Variants in NEMP1 observed in about 807,000 individuals in gnomAD.
The protein encoded by NEMP1 is transmembrane protein 194.
NEMP1 carries 29 observed loss-of-function variants against 53.7 expected under a neutral mutation model. The ratio of observed to expected loss-of-function variants is 0.54; its 90% CI spans 0.40 to 0.74. The LOEUF (loss-of-function observed/expected upper bound fraction) is 0.74. Among genes scored for constraint, NEMP1 ranks in the 30% least tolerant of loss-of-function variants. The pLI is 0.00. For synonymous variants in NEMP1, 193 were observed against 192.9 expected, an observed-to-expected ratio of 1.00 and a Z score of 0.00; for missense variants, 477 against 528.6, an observed-to-expected ratio of 0.90 and a Z score of 0.96.
chr12:57,080,416 T>C (rs1294994816), upstream of NEMP1, among the ~76,000 whole-genome samples: 1 of 151,502 alleles, frequency 6.6e-6, no homozygotes, highest in Non-Finnish European at 1.5e-5. Flanking sequence ...CCGTCTCTAC[T>C]AAAAATACAA....
chr12:57,056,635 A>G lies in NEMP1; in HGVS notation c.*3244T>C, dbSNP rs2031537528. On this transcript the variant is annotated 3_prime_UTR_variant, in exon 9 of 9. Transcript: ENST00000300128. ...GAAAAGTTATGAGTACACAGCTAGG[A>G]ACCATTTTTACGTAGGCATCCATCT... 6.6e-6 allele frequency: 1 copy of G among 152,158 alleles called. No homozygotes were observed. The highest frequency in any genetic ancestry group is 2.1e-4 in the South Asian group (1 of 4,830). 9.4% of individuals were successfully genotyped at this position (152,158 alleles called of 1,614,324 possible). A position where few individuals can be genotyped will look rare whatever the true frequency, so the allele number is the denominator to read the frequency against.
rs1433098792 is a variant in NEMP1 at position 57,064,081 on chromosome 12, C to T, written c.744G>A (p.Gln248=). Residue 248 remains glutamine, a synonymous_variant, in exon 6 of 9, where the codon CAG becomes CAA. Coordinates refer to ENST00000300128, the MANE Select transcript of NEMP1 (RefSeq NM_001130963.2). The part of the protein sequence containing the change: ...NLQEIWRCYW[Q]YLLSYVLTVG... ...ACCGACAACACTTACTTAAAAGATA[C>T]TGCCAGTAACACCTCCAGATCTCTT... 2 of 1,592,956 alleles carry T rather than the reference C, an allele frequency of 1.3e-6. No individual in the cohort carries two copies. Among genetic ancestry groups the T allele is most frequent in the Non-Finnish European group, 1.7e-6 (2 of 1,166,064 alleles).
intron 2 of NEMP1, among the ~76,000 whole-genome samples, chr12:57,072,011 AAAGT>A (rs908640814): frequency 2.0e-5 from 3 of 152,252 alleles, no homozygotes; most frequent in African/African-American, 7.2e-5. Flanking sequence ...AAATGAGACC[AAAGT>A]AATTCTTCAG....
rs1218464621 is a variant in NEMP1, at chr12:57,059,085, G to C, written c.*794C>G. 1 of 152,144 alleles carries C rather than the reference G, an allele frequency of 6.6e-6. No individual in the cohort carries two copies. The highest frequency in any genetic ancestry group is 1.5e-5 in the Non-Finnish European group (1 of 68,024). 9.4% of individuals were successfully genotyped at this position (152,144 alleles called of 1,614,324 possible). A position where few individuals can be genotyped will look rare whatever the true frequency, so the allele number is the denominator to read the frequency against. On this transcript the variant is annotated 3_prime_UTR_variant, in exon 9 of 9. Coordinates refer to ENST00000300128, the MANE Select transcript of NEMP1 (RefSeq NM_001130963.2). ...AGAATGGGAAGAGAAGAATACAAAT[G>C]TTTTTTAAGATGGAATTGAAAGTTG... is the stretch of plus-strand genomic sequence containing the variant.
At chr12:57,082,933 A>C (rs1239524544), upstream of NEMP1, among the ~76,000 whole-genome samples, 1 of 152,082 alleles carries the variant, frequency 6.6e-6, no homozygotes, top group Non-Finnish European at 1.5e-5. Context: ...ACGTGGGAGA[A>C]TCACCTGAGC....
At chr12:57,078,972 C>T (rs531130701), upstream of NEMP1, among the ~76,000 whole-genome samples, 3 of 152,364 alleles carry the variant, frequency 2.0e-5, no homozygotes, top group Admixed American at 2.0e-4. Flanking sequence ...GGTTCTCACC[C>T]TAGCAGTGGC....
At chr12:57,071,701 AT>A (rs1158064092) in intron 2 of NEMP1, among the ~76,000 whole-genome samples, 5 of 151,692 alleles carry the variant, frequency 3.3e-5, no homozygotes, top group Admixed American at 6.6e-5. Context: ...TTTTTAAAGA[AT>A]TTTTTTTAAA....
chr12:57,062,957 T>TAA (rs537788787), intron 7 of NEMP1, among the ~76,000 whole-genome samples, 162 bp downstream of exon 7: 7 of 138,832 alleles, frequency 5.0e-5, no homozygotes, highest in African/African-American at 1.6e-4. Flanking sequence ...CTATAGAAAG[T>TAA]AAAAAAAAAA....
At chr12:57,079,460 A>G (rs185175197), upstream of NEMP1, among the ~76,000 whole-genome samples, 2 of 152,346 alleles carry the variant, frequency 1.3e-5, no homozygotes, top group Admixed American at 6.5e-5. Context: ...TTAAGAAGCC[A>G]AAGCCAAGAC....
intron 3 of NEMP1, among the ~76,000 whole-genome samples, chr12:57,070,376 T>C (rs931406036): frequency 6.6e-6 from 1 of 152,256 alleles, no homozygotes; most frequent in Admixed American, 6.5e-5. Context: ...CTAAGAGTAT[T>C]TGGCATATAT....
At chr12:57,066,386 A>G (rs1346942247) in intron 4 of NEMP1, among the ~76,000 whole-genome samples, 1 of 152,214 alleles carries the variant, frequency 6.6e-6, no homozygotes, top group Non-Finnish European at 1.5e-5. Context: ...CTGGAGTAGC[A>G]CTTTTAATTT....
chr12:57,064,780 T>C (rs1486183395), intron 4 of NEMP1, 41 bp from the exon 5 acceptor site: 1 of 1,461,342 alleles, frequency 6.8e-7, no homozygotes, highest in Non-Finnish European at 9.5e-7. Flanking sequence ...ATGTATATAT[T>C]TCATACATAG....
rs1203149278 is a variant in NEMP1, at chr12:57,057,348, A to T, written c.*2531T>A. On this transcript the variant is annotated 3_prime_UTR_variant, in exon 9 of 9. Coordinates refer to ENST00000300128, the MANE Select transcript of NEMP1 (RefSeq NM_001130963.2). ...CTTGATGAGATTGGTCTGAGAGATGAGACTGTACTGAAATCACAAGAGCTA... is the reference window on the plus strand; with the variant it reads ...CTTGATGAGATTGGTCTGAGAGATGTGACTGTACTGAAATCACAAGAGCTA... The T allele has an allele frequency of 2.0e-5, 3 of 152,256 alleles. No homozygotes were observed. The highest frequency in any genetic ancestry group is 4.4e-5 in the Non-Finnish European group (3 of 68,054). The allele number at this position is 152,256 out of a possible 1,614,324, so 9.4% of individuals were successfully genotyped here.
At chr12:57,075,575 G>C (rs961437398) in intron 1 of NEMP1, among the ~76,000 whole-genome samples, 12 of 151,346 alleles carry the variant, frequency 7.9e-5, no homozygotes, top group Non-Finnish European at 1.5e-4. Context: ...TGTAGTCCCA[G>C]GACTTTGGGA....
chr12:57,072,953 C>A (rs374786110), intron 1 of NEMP1, 41 bp from the exon 2 acceptor site: 2 of 1,564,464 alleles, frequency 1.3e-6, no homozygotes, highest in African/African-American at 2.7e-5. Flanking sequence ...ACATAACAAG[C>A]TAATAACTAT....
chr12:57,086,653 T>G (rs974902071), intron 1 of NEMP1, among the ~76,000 whole-genome samples: 9 of 151,202 alleles, frequency 6.0e-5, no homozygotes, highest in Admixed American at 1.3e-4. Flanking sequence ...CGGAAGGGAG[T>G]AGGAGGGGAG....
chr12:57,070,475 G>A (rs2136503582), intron 3 of NEMP1, among the ~76,000 whole-genome samples, 199 bp downstream of exon 3: 1 of 152,332 alleles, frequency 6.6e-6, no homozygotes, highest in South Asian at 2.1e-4. Context: ...AGAATTTCCT[G>A]AGGTGGAGTT....
chr12:57,071,154 G>A (rs2032327031), intron 2 of NEMP1, among the ~76,000 whole-genome samples: 1 of 151,964 alleles, frequency 6.6e-6, no homozygotes, highest in Non-Finnish European at 1.5e-5. Context: ...GAACATAGAG[G>A]GAAAAAAGAC....
intron 4 of NEMP1, among the ~76,000 whole-genome samples, chr12:57,067,933 C>T (rs577181212): frequency 1.3e-5 from 2 of 152,052 alleles, no homozygotes; most frequent in Non-Finnish European, 2.9e-5. Flanking sequence ...CCATGCCTGG[C>T]TAATTTTTGT....
Sources: gnomAD v4.1 joint callset for allele counts (sites outside exome capture counted in the v4.1 genomes callset) on GRCh38, gnomAD v4.1.1 for gene constraint, MANE v1.5 for transcripts, NCBI Gene and HGNC (gene_info 2026-07-23, HGNC 2026-07-21) for gene names.